Variants in CDH23 observed in about 807,000 individuals in gnomAD.
CDH23 encodes cadherin-23.
A neutral mutation model predicts 317.1 loss-of-function variants in CDH23; 189 were observed. The ratio of observed to expected loss-of-function variants is 0.60; its 90% CI spans 0.53 to 0.67. The LOEUF (loss-of-function observed/expected upper bound fraction) is 0.67, where lower values mean the gene tolerates loss of function less well. CDH23 is among the 30% of genes least tolerant of loss of function. CDH23 has a pLI of 0.00. For missense variants in CDH23, 4,401 were observed against 4,592.4 expected, an observed-to-expected ratio of 0.96 and a Z score of 1.20; for synonymous variants, 1,839 against 1,876.8, an observed-to-expected ratio of 0.98 and a Z score of 0.52.
chr10:71,476,113 G>A (rs995152787), intron 3 of CDH23, among the ~76,000 whole-genome samples: 5 of 150,164 alleles, frequency 3.3e-5, no homozygotes, highest in South Asian at 2.1e-4. Flanking sequence ...CACAGAGCAC[G>A]CAGGTGGGGA....
At chr10:71,773,405 C>T in intron 38 of CDH23, 1 of 1,609,080 alleles carries the variant, frequency 6.2e-7, no homozygotes, top group Non-Finnish European at 8.5e-7. Context: ...TCCCCAGCGC[C>T]AGCTGCCGGC....
chr10:71,675,707 CCTT>C (rs1386651917), intron 15 of CDH23, among the ~76,000 whole-genome samples: 2 of 152,146 alleles, frequency 1.3e-5, no homozygotes, highest in East Asian at 3.9e-4. Context: ...CTGCATGTGA[CCTT>C]CACCACTAGG....
intron 6 of CDH23, among the ~76,000 whole-genome samples, chr10:71,553,830 T>C (rs1856734031): frequency 6.6e-6 from 1 of 152,202 alleles, no homozygotes; most frequent in African/African-American, 2.4e-5. Context: ...AGGGCAGTGT[T>C]AGAGGCTTTT....
Position 71,793,465 on chromosome 10 carries a change from G to C in CDH23, c.6537G>C (p.Gln2179His). The change falls in exon 48 of 70, where the codon CAG becomes CAC. Residue 2179 changes from glutamine to histidine, a missense_variant. Coordinates refer to ENST00000224721, the MANE Select transcript of CDH23 (RefSeq NM_022124.6). ...DSRPEFLNPI[Q>H]TVSVLESAEP... ...GCCCCGAGTTCCTCAACCCCATCCA[G>C]ACAGTGAGCGTGCTGGAGTCGGCTG... 1 of 1,613,950 alleles carries C rather than the reference G, an allele frequency of 6.2e-7. No homozygotes were observed. Among genetic ancestry groups the C allele is most frequent in the Non-Finnish European group, 8.5e-7 (1 of 1,179,880 alleles).
chr10:71,705,206 G>C, intron 25 of CDH23, 76 bp downstream of exon 25: 2 of 1,365,178 alleles, frequency 1.5e-6, no homozygotes. Flanking sequence ...GGGTAGAGGG[G>C]AGCCCATGTC....
At chr10:71,583,507 A>T (rs1169298648) in intron 9 of CDH23, among the ~76,000 whole-genome samples, 1 of 152,112 alleles carries the variant, frequency 6.6e-6, no homozygotes, top group East Asian at 1.9e-4. Context: ...AGACAGTCAC[A>T]GCCCCGACTG....
At chr10:71,470,261 C>A (rs1851445666) in intron 3 of CDH23, among the ~76,000 whole-genome samples, 1 of 152,166 alleles carries the variant, frequency 6.6e-6, no homozygotes, top group Non-Finnish European at 1.5e-5. Context: ...AGAGGCTTTT[C>A]TTTTTATTGT....
chr10:71,497,146 TGCCTGCAA>T (rs1487361514), intron 3 of CDH23, among the ~76,000 whole-genome samples: 1 of 152,240 alleles, frequency 6.6e-6, no homozygotes, highest in Non-Finnish European at 1.5e-5. Flanking sequence ...AACCAGCATG[TGCCTGCAA>T]GTGTTTGGAT....
At chr10:71,787,659 A>G (rs9416006) in intron 44 of CDH23, among the ~76,000 whole-genome samples, 95 of 152,258 alleles carry the variant, frequency 6.2e-4, no homozygotes, top group Admixed American at 3.1e-3. Context: ...TCTATTTCTG[A>G]GTCATTTCAC....
Position 71,790,329 on chromosome 10 carries a change from G to C in CDH23, c.5965G>C (p.Asp1989His). 6.2e-7 allele frequency: 1 copy of C among 1,613,896 alleles called. No individual in the cohort carries two copies. The highest frequency in any genetic ancestry group is 1.1e-5 in the South Asian group (1 of 91,084). Residue 1989 changes from aspartate (D) to histidine (H), a missense_variant, in exon 46 of 70, where the codon GAT (aspartate) becomes CAT (histidine). Transcript: ENST00000224721. ...TVLNGPILALDADQDIYAVVT... is the reference protein window; with the variant it reads ...TVLNGPILALHADQDIYAVVT... Reference sequence around the variant, plus strand: ...GCTCAATGGGCCCATCCTGGCCCTGGATGCAGACCAAGACATCTACGCCGT... The same window carrying C: ...GCTCAATGGGCCCATCCTGGCCCTGCATGCAGACCAAGACATCTACGCCGT...
chr10:71,631,463 G>A (rs1268811714), intron 11 of CDH23, among the ~76,000 whole-genome samples: 1 of 152,178 alleles, frequency 6.6e-6, no homozygotes, highest in African/African-American at 2.4e-5. Flanking sequence ...GGCGAAGGAG[G>A]GAGTGGAGTG....
chr10:71,486,588 A>G (rs1298785900), intron 3 of CDH23, among the ~76,000 whole-genome samples: 4 of 152,078 alleles, frequency 2.6e-5, no homozygotes, highest in Non-Finnish European at 5.9e-5. Flanking sequence ...CTTACACCAG[A>G]CCTCCAGCAG....
In CDH23 at chr10:71,803,084, C is replaced by A. The variant is rs566452419; in HGVS notation, c.7660+9C>A. ...TGAGGGCCCTGGCGTGGGTATGTGG[C>A]CTTCCTTGGACACCCATGATGTCTT... On this transcript the variant is annotated intron_variant, in intron 54 of 69. Transcript: ENST00000224721. 1.2e-6 allele frequency: 2 copies of A among 1,605,766 alleles called. No individual in the cohort carries two copies. The highest frequency in any genetic ancestry group is 2.7e-5 in the African/African-American group (2 of 74,882).
intron 3 of CDH23, among the ~76,000 whole-genome samples, chr10:71,459,849 TC>T (rs1850892381): frequency 6.6e-6 from 1 of 152,324 alleles, no homozygotes; most frequent in South Asian, 2.1e-4. Context: ...ACGGTGGCTC[TC>T]CAGGGTCTGC....
intron 11 of CDH23, among the ~76,000 whole-genome samples, chr10:71,639,249 T>C (rs970430630): frequency 2.6e-5 from 4 of 152,152 alleles, no homozygotes; most frequent in Non-Finnish European, 5.9e-5. Flanking sequence ...TTTTGATGTT[T>C]CTGTTTATCT....
chr10:71,573,824 G>A (rs1266841332), intron 8 of CDH23, among the ~76,000 whole-genome samples: 2 of 152,122 alleles, frequency 1.3e-5, no homozygotes, highest in Non-Finnish European at 2.9e-5. Flanking sequence ...GCTCCCCTGG[G>A]GCCCACAGAA....
chr10:71,693,286 T>TA (rs1057315844), intron 20 of CDH23, among the ~76,000 whole-genome samples: 2 of 152,180 alleles, frequency 1.3e-5, no homozygotes, highest in East Asian at 1.9e-4. Flanking sequence ...CCTTTTTTTT[T>TA]TTTTATTTTG....
chr10:71,779,201 A>G lies in CDH23; in HGVS notation c.5188-66A>G, dbSNP rs1840890630. 9.6e-6 allele frequency: 14 copies of G among 1,464,688 alleles called. No homozygotes were observed. In the South Asian group the frequency reaches 1.3e-4, roughly 13 times the overall value. The allele number at this position is 1,464,688 out of a possible 1,614,324, so 90.7% of individuals were successfully genotyped here. On this transcript the variant is annotated intron_variant, in intron 40 of 69. Transcript: ENST00000224721. The stretch of plus-strand genomic sequence containing the variant: ...ATTATCAGGTCCATTTCACAGAGGA[A>G]GGAACTGAGGCCCAGCACAAAGCTG...
intron 14 of CDH23, chr10:71,647,106 C>T: frequency 1.0e-6 from 1 of 983,396 alleles, no homozygotes; most frequent in Non-Finnish European, 1.2e-6. Flanking sequence ...CTCTTGGTTG[C>T]AAGGGACAGA....
Sources: gnomAD v4.1 joint callset for allele counts (sites outside exome capture counted in the v4.1 genomes callset) on GRCh38, gnomAD v4.1.1 for gene constraint, MANE v1.5 for transcripts, NCBI Gene and HGNC (gene_info 2026-07-23, HGNC 2026-07-21) for gene names.